Variants in GAS7 observed in about 807,000 individuals in gnomAD.
GAS7 encodes growth arrest specific 7, also known as growth arrest-specific protein 7.
Under a neutral mutation model 71.1 loss-of-function variants are expected in GAS7, and 28 were observed. That is an observed-to-expected ratio of 0.39 (90% CI 0.29 to 0.54). The LOEUF (loss-of-function observed/expected upper bound fraction) is 0.54, where lower values mean the gene tolerates loss of function less well. GAS7 is among the 20% of genes least tolerant of loss of function. The pLI is 0.62. For missense variants in GAS7, 436 were observed against 627.8 expected, an observed-to-expected ratio of 0.69 and a Z score of 3.27; for synonymous variants, 258 against 245.8, an observed-to-expected ratio of 1.05 and a Z score of -0.46.
intron 1 of GAS7, among the ~76,000 whole-genome samples, chr17:10,158,419 G>A (rs2074223437): frequency 6.6e-6 from 1 of 150,806 alleles, no homozygotes; most frequent in Middle Eastern, 3.5e-3. Flanking sequence ...GGCCGAGGTA[G>A]GAGAGTCACT....
intron 2 of GAS7, among the ~76,000 whole-genome samples, chr17:9,997,386 G>A (rs1349978859): frequency 6.6e-6 from 1 of 152,166 alleles, no homozygotes; most frequent in African/African-American, 2.4e-5. Context: ...TATCTATTAA[G>A]TGGAGTTTTA....
chr17:9,972,008 C>T (rs1259005488), intron 3 of GAS7, among the ~76,000 whole-genome samples: 1 of 152,190 alleles, frequency 6.6e-6, no homozygotes, highest in Non-Finnish European at 1.5e-5. Flanking sequence ...AGTGCCTGTG[C>T]GCAGCTGGGC....
rs1322073258 is a variant in GAS7 at position 9,959,120 on chromosome 17, G to A, written c.525+82C>T. ...AGGTTGGGCATCACTTCTGCTTGGC[G>A]GTCCACATCGCCATGGCAACAGCCC... On this transcript the variant is annotated intron_variant, in intron 5 of 13. Coordinates refer to ENST00000432992, the MANE Select transcript of GAS7 (RefSeq NM_201433.2). This position sits in a 1 kb window ranked among gnomAD's most constrained non-coding sequence, Gnocchi z 5.0. The A allele has an allele frequency of 1.0e-5, 15 of 1,483,934 alleles. No individual in the cohort carries two copies. The highest frequency in any genetic ancestry group is 2.3e-5 in the East Asian group (1 of 42,822). The allele number at this position is 1,483,934 out of a possible 1,614,324, so 91.9% of individuals were successfully genotyped here.
intron 1 of GAS7, among the ~76,000 whole-genome samples, chr17:10,195,278 G>T (rs956606882): frequency 7.9e-5 from 12 of 152,138 alleles, no homozygotes; most frequent in African/African-American, 2.4e-4. Flanking sequence ...GACTCTCTTG[G>T]AGTTAGCTCC....
intron 1 of GAS7, among the ~76,000 whole-genome samples, chr17:10,151,311 T>A (rs565431344): frequency 6.6e-6 from 1 of 151,974 alleles, no homozygotes; most frequent in East Asian, 1.9e-4. Flanking sequence ...AGTTAAAGGG[T>A]TTCGTTTGCT....
intron 4 of GAS7, among the ~76,000 whole-genome samples, chr17:9,964,992 G>T (rs112422919): frequency 1.3e-5 from 2 of 152,280 alleles, no homozygotes; most frequent in East Asian, 1.9e-4. Flanking sequence ...TGTGTCTAGA[G>T]GGTCTTCCTG....
At chr17:9,932,834 T>C (rs2068258554) in intron 9 of GAS7, among the ~76,000 whole-genome samples, 1 of 152,178 alleles carries the variant, frequency 6.6e-6, no homozygotes, top group Non-Finnish European at 1.5e-5. Context: ...AGAAACACCC[T>C]GCCCTCGAGT....
intron 1 of GAS7, among the ~76,000 whole-genome samples, chr17:10,092,144 T>C (rs1197883296): frequency 1.3e-5 from 2 of 152,070 alleles, no homozygotes; most frequent in Non-Finnish European, 2.9e-5. Flanking sequence ...CTCTCTGACT[T>C]CGCACATGTA....
chr17:9,917,361 T>G lies in GAS7; in HGVS notation c.1318-20A>C, dbSNP rs201930115. The stretch of plus-strand genomic sequence containing the variant: ...GACTGTCTGCAAGAGACAGAGAAAA[T>G]GCGACACTGTTAGAGACGGCGGCCA... On this transcript the variant is annotated intron_variant, in intron 13 of 13. Transcript: ENST00000432992. 3 of 1,552,964 alleles carry G rather than the reference T, an allele frequency of 1.9e-6. No homozygotes were observed. The highest frequency in any genetic ancestry group is 1.7e-5 in the Admixed American group (1 of 59,960).
intron 1 of GAS7, among the ~76,000 whole-genome samples, chr17:10,113,476 CAGG>C (rs1341605292): frequency 2.0e-5 from 3 of 152,140 alleles, no homozygotes; most frequent in Admixed American, 6.6e-5. Context: ...AGGCATTAAA[CAGG>C]AGGAGGAAGC....
At chr17:10,016,620 A>AAAAAC (rs1567542562) in intron 2 of GAS7, among the ~76,000 whole-genome samples, 1,529 of 131,090 alleles carry the variant, frequency 0.012, 10 homozygotes, top group African/African-American at 0.016. Flanking sequence ...AAAAAAAAAA[A>AAAAAC]AAAACAAAAC....
chr17:9,951,760 CAAAAAAAAAAAAAAAAAA>C (rs59048492), intron 5 of GAS7, among the ~76,000 whole-genome samples: 2 of 69,012 alleles, frequency 2.9e-5, no homozygotes. Context: ...AACTCTGTCT[CAAAAAAAAAAAAAAAAAA>C]AAAAAAAACA....
intron 2 of GAS7, among the ~76,000 whole-genome samples, chr17:10,016,182 G>A (rs775997755): frequency 6.6e-6 from 1 of 151,020 alleles, no homozygotes; most frequent in Admixed American, 6.6e-5. Context: ...CCAGGAGATC[G>A]AGACCACCCT....
intron 3 of GAS7, among the ~76,000 whole-genome samples, chr17:9,976,586 G>A (rs144451377): frequency 9.2e-5 from 14 of 152,106 alleles, no homozygotes; most frequent in Admixed American, 3.9e-4. Flanking sequence ...ATCCCTGGCC[G>A]GCTCCTCAGG....
At chr17:10,000,600 A>G (rs1224901816) in intron 2 of GAS7, among the ~76,000 whole-genome samples, 3 of 152,142 alleles carry the variant, frequency 2.0e-5, no homozygotes, top group Admixed American at 2.0e-4. Context: ...GTTCCCAGAT[A>G]CTCAGGTCGT....
At position 10,098,824 on chromosome 17, in the gene GAS7, T is replaced by C. The variant is rs113638021; in HGVS notation, c.184-78927A>G. 7.6e-3 allele frequency among the ~76,000 whole-genome samples: 1,157 copies of C among 152,268 alleles called. 10 individuals are homozygous for C. Among genetic ancestry groups the C allele is most frequent in the African/African-American group, 0.027 (1,106 of 41,548 alleles). ...AATACAAAAAATTAGCCGGGTGTGG[T>C]GGCGGGCACCTGTAGTCCCAGCTAC... On this transcript the variant is annotated intron_variant, in intron 1 of 13. Transcript: ENST00000432992.
chr17:10,033,341 GAGAC>G (rs2072668984), intron 1 of GAS7, among the ~76,000 whole-genome samples: 1 of 152,118 alleles, frequency 6.6e-6, no homozygotes, highest in African/African-American at 2.4e-5. Context: ...GAGAGAGAGA[GAGAC>G]AGAGAGACTA....
At chr17:10,025,340 C>A (rs1012759597) in intron 1 of GAS7, among the ~76,000 whole-genome samples, 1 of 152,042 alleles carries the variant, frequency 6.6e-6, no homozygotes, top group Non-Finnish European at 1.5e-5. Context: ...GCTACACCTA[C>A]TCAGCTCCAT....
In GAS7 at chr17:9,914,028, C is replaced by T. The variant is rs1176653963; in HGVS notation, c.*3200G>A. 1 of 229,906 alleles carries T rather than the reference C, an allele frequency of 4.3e-6. No homozygotes were observed. The highest frequency in any genetic ancestry group is 8.6e-6 in the Non-Finnish European group (1 of 116,076). 14.2% of individuals were successfully genotyped at this position (229,906 alleles called of 1,614,324 possible). A position where few individuals can be genotyped will look rare whatever the true frequency, so the allele number is the denominator to read the frequency against. The stretch of plus-strand genomic sequence containing the variant: ...ACCAAGACATAAAACAAAACAACAA[C>T]CCGGATAGCGTGCTTGCCTCTCCAA... On this transcript the variant is annotated 3_prime_UTR_variant, in exon 14 of 14. Coordinates refer to ENST00000432992, the MANE Select transcript of GAS7 (RefSeq NM_201433.2).
Sources: gnomAD v4.1 joint callset for allele counts (sites outside exome capture counted in the v4.1 genomes callset) on GRCh38, gnomAD v4.1.1 for gene constraint, Gnocchi (gnomAD v3.1) non-coding constraint, MANE v1.5 for transcripts, NCBI Gene and HGNC (gene_info 2026-07-23, HGNC 2026-07-21) for gene names.